ARMH1: variants seen among roughly 807,000 people sequenced by gnomAD.
ARMH1 encodes the protein armadillo like helical domain containing 1.
A neutral mutation model predicts 50.2 loss-of-function variants in ARMH1; 34 were observed. The ratio of observed to expected loss-of-function variants is 0.68; its 90% CI spans 0.51 to 0.90. The LOEUF (loss-of-function observed/expected upper bound fraction) is 0.90, where lower values mean the gene tolerates loss of function less well. Among genes scored for constraint, ARMH1 ranks in the 40% least tolerant of loss-of-function variants. The pLI is 0.00. For synonymous variants in ARMH1, 221 were observed against 224.2 expected (o/e 0.99, Z 0.13); for missense variants, 538 against 553.9 (o/e 0.97, Z 0.29).
chr1:44,718,719 G>T (rs1444854733), intron 6 of ARMH1, among the ~76,000 whole-genome samples: 2 of 152,192 alleles, frequency 1.3e-5, no homozygotes, highest in African/African-American at 2.4e-5. Flanking sequence ...AGCAGTGGCT[G>T]GTTGGTCATA....
At chr1:44,702,539 C>T (rs1646131033) in intron 5 of ARMH1, among the ~76,000 whole-genome samples, 1 of 151,818 alleles carries the variant, frequency 6.6e-6, no homozygotes, top group African/African-American at 2.4e-5. Context: ...TGGTGAAACT[C>T]TGTCTCTACT....
chr1:44,695,096 G>T (rs535325910), intron 2 of ARMH1, among the ~76,000 whole-genome samples: 1 of 152,056 alleles, frequency 6.6e-6, no homozygotes, highest in Non-Finnish European at 1.5e-5. Flanking sequence ...TCTGCAAAGC[G>T]CCCTCCCTCC....
rs1020279372 is a variant in ARMH1, at chr1:44,674,839, C to T, written c.-57C>T. 1.9e-5 allele frequency: 3 copies of T among 158,500 alleles called. No individual in the cohort carries two copies. The highest frequency in any genetic ancestry group is 7.2e-5 in the African/African-American group (3 of 41,656). 9.8% of individuals were successfully genotyped at this position (158,500 alleles called of 1,614,324 possible). On this transcript the variant is annotated 5_prime_UTR_variant, in exon 1 of 12. Transcript: ENST00000535358. The stretch of plus-strand genomic sequence containing the variant: ...GACTTGCATCGTCTACCTACCTCTG[C>T]CATCCTCTACCAGCCGCAACTGCGA...
chr1:44,724,972 G>A lies in ARMH1; in HGVS notation c.1128+133G>A. On this transcript the variant is annotated intron_variant, in intron 10 of 11. Coordinates refer to ENST00000535358, the MANE Select transcript of ARMH1 (RefSeq NM_001145636.2). The surrounding 1 kb of genome is among the most constrained non-coding windows in gnomAD (Gnocchi z 6.4). ...CTGGCCACCAGCTGCAGGAGGGACT[G>A]CTCTGGCGTAGGCTCCTCCACCCGC... is the stretch of plus-strand genomic sequence containing the variant. 1 of 1,499,722 alleles carries A rather than the reference G, an allele frequency of 6.7e-7. No homozygotes were observed. Among genetic ancestry groups the A allele is most frequent in the South Asian group, 1.3e-5 (1 of 75,082 alleles). 92.9% of individuals were successfully genotyped at this position (1,499,722 alleles called of 1,614,324 possible). A position where few individuals can be genotyped will look rare whatever the true frequency, so the allele number is the denominator to read the frequency against.
At chr1:44,718,987 A>T (rs911251636) in intron 6 of ARMH1, among the ~76,000 whole-genome samples, 1 of 144,826 alleles carries the variant, frequency 6.9e-6, no homozygotes, top group Non-Finnish European at 1.5e-5. Flanking sequence ...ATCGCACCAT[A>T]GTACTCCAGC....
chr1:44,680,534 A>C lies in ARMH1; in HGVS notation c.-23+5661A>C, dbSNP rs539984065. Among the ~76,000 whole-genome samples, 221 of 152,346 alleles carry C rather than the reference A, an allele frequency of 1.5e-3. 1 individual carries two copies. Among genetic ancestry groups the C allele is most frequent in the African/African-American group, 5.2e-3 (217 of 41,576 alleles). ...GGGTTTAGACTTTATCCAGTAGGCCACAGTGAGCTAATGGAGAAATCTGGG... is the reference window on the plus strand; with the variant it reads ...GGGTTTAGACTTTATCCAGTAGGCCCCAGTGAGCTAATGGAGAAATCTGGG... On this transcript the variant is annotated intron_variant, in intron 1 of 11. Coordinates refer to ENST00000535358, the MANE Select transcript of ARMH1 (RefSeq NM_001145636.2).
At chr1:44,691,890 A>T (rs1467072248) in intron 2 of ARMH1, among the ~76,000 whole-genome samples, 2 of 152,204 alleles carry the variant, frequency 1.3e-5, no homozygotes, top group Non-Finnish European at 2.9e-5. Flanking sequence ...GTTTTGGGAC[A>T]TGTTGAGTTT....
intron 2 of ARMH1, among the ~76,000 whole-genome samples, chr1:44,690,945 G>T (rs1480687768): frequency 1.3e-5 from 2 of 151,546 alleles, no homozygotes; most frequent in African/African-American, 2.4e-5. Context: ...AAGACACCGC[G>T]CCCAGTGAAG....
At position 44,724,035 on chromosome 1, in the gene ARMH1, G is replaced by C; in HGVS notation, c.725-87G>C. 3 of 1,483,828 alleles carry C rather than the reference G, an allele frequency of 2.0e-6. No homozygotes were observed. Among genetic ancestry groups the C allele is most frequent in the Non-Finnish European group, 2.7e-6 (3 of 1,106,376 alleles). The allele number at this position is 1,483,828 out of a possible 1,614,324, so 91.9% of individuals were successfully genotyped here. ...ATCAGTAAAAGAGGAGGACACTGAC[G>C]AGTGGCGACTTGGTTCACGGGGTTC... On this transcript the variant is annotated intron_variant, in intron 6 of 11. Coordinates refer to ENST00000535358, the MANE Select transcript of ARMH1 (RefSeq NM_001145636.2). This position sits in a 1 kb window ranked among gnomAD's most constrained non-coding sequence, Gnocchi z 6.4.
intron 1 of ARMH1, among the ~76,000 whole-genome samples, chr1:44,686,345 A>G (rs2148591008): frequency 6.6e-6 from 1 of 152,372 alleles, no homozygotes; most frequent in South Asian, 2.1e-4. Context: ...AAAATGTAAT[A>G]GTAGTTTGCT....
At chr1:44,701,759 T>A (rs1202718234) in intron 5 of ARMH1, among the ~76,000 whole-genome samples, 1 of 151,914 alleles carries the variant, frequency 6.6e-6, no homozygotes, top group Non-Finnish European at 1.5e-5. Context: ...TGAAACCCTG[T>A]CTCTACTAAA....
chr1:44,684,392 G>A (rs1232155886), intron 1 of ARMH1: 2 of 152,044 alleles, frequency 1.3e-5, no homozygotes, highest in Non-Finnish European at 2.9e-5. Flanking sequence ...AAAAACCTTA[G>A]TGACATAACC....
intron 1 of ARMH1, among the ~76,000 whole-genome samples, chr1:44,686,268 A>G (rs1374645891): frequency 3.3e-5 from 5 of 152,258 alleles, no homozygotes; most frequent in African/African-American, 7.2e-5. Flanking sequence ...AGCCCTTGGT[A>G]CTTCAAACCA....
At chr1:44,721,576 A>T (rs971843957) in intron 6 of ARMH1, among the ~76,000 whole-genome samples, 15 of 152,160 alleles carry the variant, frequency 9.9e-5, no homozygotes, top group African/African-American at 3.4e-4. Context: ...AAAAAACATG[A>T]CAGTAGGCCG....
At chr1:44,721,884 T>A (rs573651694) in intron 6 of ARMH1, 4 of 152,234 alleles carry the variant, frequency 2.6e-5, no homozygotes, top group African/African-American at 4.8e-5. Flanking sequence ...TTATTCGTTA[T>A]GAAGAGAAAC....
rs1218615169 is a variant in ARMH1, at chr1:44,724,846, G to A, written c.1128+7G>A. 1 of 1,531,400 alleles carries A rather than the reference G, an allele frequency of 6.5e-7. No homozygotes were observed. Among genetic ancestry groups the A allele is most frequent in the South Asian group, 1.2e-5 (1 of 82,520 alleles). The allele number at this position is 1,531,400 out of a possible 1,614,324, so 94.9% of individuals were successfully genotyped here. A position where few individuals can be genotyped will look rare whatever the true frequency, so the allele number is the denominator to read the frequency against. On this transcript the variant is annotated splice_region_variant and intron_variant, in intron 10 of 11. Coordinates refer to ENST00000535358, the MANE Select transcript of ARMH1 (RefSeq NM_001145636.2). This position sits in a 1 kb window ranked among gnomAD's most constrained non-coding sequence, Gnocchi z 6.4. ...ACTCTACCAGCTCTTCCTGGTAAGT[G>A]CGCCCTTCCTGCCCCGCCGCAATGA...
At chr1:44,691,088 T>C (rs1645645333) in intron 2 of ARMH1, among the ~76,000 whole-genome samples, 1 of 151,898 alleles carries the variant, frequency 6.6e-6, no homozygotes, top group Non-Finnish European at 1.5e-5. Context: ...GGAAACCCCG[T>C]CTCTACTACA....
chr1:44,713,472 T>C (rs969672995), intron 6 of ARMH1, among the ~76,000 whole-genome samples: 4 of 152,150 alleles, frequency 2.6e-5, no homozygotes, highest in Non-Finnish European at 5.9e-5. Flanking sequence ...ACCTGTCCTG[T>C]ACAGCTTCAT....
rs576943284 is a variant in ARMH1, at chr1:44,685,774, C to T, written c.-22-3902C>T. Reference sequence around the variant, plus strand: ...TCCTGAGTAGCTGGGACTACAGGCACGCGCCACCACGCCCAGCTAATTTTT... The same window carrying T: ...TCCTGAGTAGCTGGGACTACAGGCATGCGCCACCACGCCCAGCTAATTTTT... On this transcript the variant is annotated intron_variant, in intron 1 of 11. Transcript: ENST00000535358. 1.7e-4 allele frequency among the ~76,000 whole-genome samples: 26 copies of T among 152,038 alleles called. No individual in the cohort carries two copies. In the East Asian group the frequency reaches 3.7e-3, roughly 22 times the overall value.
Sources: gnomAD v4.1 joint callset for allele counts (sites outside exome capture counted in the v4.1 genomes callset) on GRCh38, gnomAD v4.1.1 for gene constraint, Gnocchi (gnomAD v3.1) non-coding constraint, MANE v1.5 for transcripts, NCBI Gene and HGNC (gene_info 2026-07-23, HGNC 2026-07-21) for gene names.